Variants in ANO7 observed in about 807,000 individuals in gnomAD.
ANO7 encodes the protein anoctamin-7.
In ANO7, 114 loss-of-function variants were observed where a neutral mutation model predicts 115.8. The ratio of observed to expected loss-of-function variants is 0.98; its 90% CI spans 0.85 to 1.15. ANO7 has a LOEUF of 1.15. Ranked by LOEUF, ANO7 falls within the 50% of genes most tolerant of loss-of-function variation. The pLI is 0.00. For missense variants in ANO7, 1,302 were observed against 1,201.2 expected, an observed-to-expected ratio of 1.08 and a Z score of -1.24; for synonymous variants, 550 against 498.2, an observed-to-expected ratio of 1.10 and a Z score of -1.38.
At chr2:241,233,705 C>T in the ANO7 span, 2 of 1,125,230 alleles carry the variant, frequency 1.8e-6, no homozygotes, top group East Asian at 4.8e-5. This position sits in a 1 kb window ranked among gnomAD's most constrained non-coding sequence, Gnocchi z 4.3. Context: ...AGAGACTTGC[C>T]ACTCTCAACT....
chr2:241,202,370 C>A, intron 8 of ANO7, 66 bp downstream of exon 8: 1 of 1,485,220 alleles, frequency 6.7e-7, no homozygotes, highest in Non-Finnish European at 9.3e-7. Context: ...TCCTGTTGGC[C>A]CCCAGGGAGG....
At chr2:241,223,098 A>G in intron 21 of ANO7, 88 bp from the exon 22 acceptor site, 4 of 1,206,430 alleles carry the variant, frequency 3.3e-6, no homozygotes, top group Non-Finnish European at 4.8e-6. Context: ...GAAATGGTGG[A>G]AAAAGGGGAG....
Position 241,195,700 on chromosome 2 carries a change from CA to C in ANO7, c.167-2del, listed in dbSNP as rs768172195. ...TCCTGCCTCTGTCCCTGTTGGCTCC[CA>C]GCAGACTTCGTCCTCGTTTGGGAGG... On this transcript the variant is annotated splice_acceptor_variant, in intron 3 of 24. Transcript: ENST00000674324. LOFTEE classifies it high-confidence loss of function. 1 of 1,613,894 alleles carries C rather than the reference CA, an allele frequency of 6.2e-7. No individual in the cohort carries two copies.
In ANO7 at chr2:241,203,407, G is replaced by T; in HGVS notation, c.798G>T (p.Trp266Cys). The T allele has an allele frequency of 6.3e-7, 1 of 1,597,092 alleles. No homozygotes were observed. The highest frequency in any genetic ancestry group is 8.5e-7 in the Non-Finnish European group (1 of 1,172,712). ...AGCGCCAAGTCCTTTTCCAGCACTGGGCGCGCTGGGGCAAGTGGAACAAGT... is the reference window on the plus strand; with the variant it reads ...AGCGCCAAGTCCTTTTCCAGCACTGTGCGCGCTGGGGCAAGTGGAACAAGT... ...LNQRQVLFQHWARWGKWNKYQ... is the reference protein window; with the variant it reads ...LNQRQVLFQHCARWGKWNKYQ... The change falls in exon 9 of 25, where the codon TGG (tryptophan) becomes TGT (cysteine). Residue 266 changes from tryptophan (W) to cysteine (C), a missense_variant. Trp to Cys is a radical substitution (Grantham distance 215). Coordinates refer to ENST00000674324, the MANE Select transcript of ANO7 (RefSeq NM_001370694.2). This position sits in a 1 kb window ranked among gnomAD's most constrained non-coding sequence, Gnocchi z 4.8.
the ANO7 span, chr2:241,235,469 C>A: frequency 5.0e-6 from 8 of 1,588,628 alleles, no homozygotes; most frequent in Non-Finnish European, 6.9e-6. Flanking sequence ...TGTGACATGG[C>A]CTCCCGGGAA....
downstream of ANO7, chr2:241,228,174 C>T (rs1213231545): frequency 6.6e-6 from 1 of 152,268 alleles, no homozygotes; most frequent in Admixed American, 6.5e-5. Flanking sequence ...GGGCGTGAGT[C>T]AGCTTTTCCA....
chr2:241,204,751 C>T (rs1315794555), intron 9 of ANO7, 114 bp from the exon 10 acceptor site: 2 of 727,182 alleles, frequency 2.8e-6, no homozygotes, highest in Non-Finnish European at 4.6e-6. Context: ...AGGGCCCCAG[C>T]CCCCAAGCTG....
intron 8 of ANO7, among the ~76,000 whole-genome samples, chr2:241,202,775 G>A (rs974454014): frequency 3.3e-5 from 5 of 152,172 alleles, no homozygotes; most frequent in Non-Finnish European, 5.9e-5. Flanking sequence ...TCCCCCACCC[G>A]CCCAAGCCTT....
the ANO7 span, chr2:241,235,679 C>A: frequency 1.1e-6 from 1 of 869,732 alleles, no homozygotes; most frequent in Non-Finnish European, 1.9e-6. Flanking sequence ...CCACGAAACA[C>A]AAGGCAAACA....
At chr2:241,239,522 G>A in the ANO7 span, 1 of 1,163,218 alleles carries the variant, frequency 8.6e-7, no homozygotes, top group East Asian at 2.3e-5. This position sits in a 1 kb window ranked among gnomAD's most constrained non-coding sequence, Gnocchi z 4.6. Flanking sequence ...TCCCTACAGG[G>A]TGGAGCGAAC....
At chr2:241,232,125 A>C in the ANO7 span, among the ~76,000 whole-genome samples, 2 of 152,198 alleles carry the variant, frequency 1.3e-5, no homozygotes, top group Non-Finnish European at 2.9e-5. Flanking sequence ...CAGAGCTGAC[A>C]GCCTCAGGCA....
rs1246832098 is a variant in ANO7, at chr2:241,225,448, C to T, written c.*1295C>T. On this transcript the variant is annotated 3_prime_UTR_variant, in exon 25 of 25. Coordinates refer to ENST00000674324, the MANE Select transcript of ANO7 (RefSeq NM_001370694.2). ...GCTGAGGCAGGAGAATCGTTTGAAC[C>T]CGGGAGGCGGAGGTTGTAGTGAGCT... 6.6e-6 allele frequency: 1 copy of T among 152,090 alleles called. No individual in the cohort carries two copies. The highest frequency in any genetic ancestry group is 1.5e-5 in the Non-Finnish European group (1 of 68,026). The allele number at this position is 152,090 out of a possible 1,614,324, so 9.4% of individuals were successfully genotyped here. A position where few individuals can be genotyped will look rare whatever the true frequency, so the allele number is the denominator to read the frequency against.
chr2:241,202,394 G>T, intron 8 of ANO7, 90 bp downstream of exon 8: 1 of 1,226,680 alleles, frequency 8.2e-7, no homozygotes, highest in Non-Finnish European at 1.2e-6. Flanking sequence ...GTGTGGGGCA[G>T]GCATGGTCAG....
At chr2:241,192,986 A>G (rs1167237177) in intron 3 of ANO7, among the ~76,000 whole-genome samples, 1 of 152,184 alleles carries the variant, frequency 6.6e-6, no homozygotes, top group South Asian at 2.1e-4. Flanking sequence ...TGGCTGCACA[A>G]GAATGTCAAT....
chr2:241,192,296 G>T (rs2068226179), intron 3 of ANO7, among the ~76,000 whole-genome samples: 1 of 152,182 alleles, frequency 6.6e-6, no homozygotes, highest in African/African-American at 2.4e-5. Flanking sequence ...TTGCACTCCA[G>T]CCTGGGCAGC....
In ANO7 at chr2:241,213,599, C is replaced by T. The variant is rs549799145; in HGVS notation, c.1728+973C>T. 4.6e-5 allele frequency among the ~76,000 whole-genome samples: 7 copies of T among 152,272 alleles called. No individual in the cohort carries two copies. The South Asian group carries it at 1.0e-3, about 23-fold the overall frequency. On this transcript the variant is annotated intron_variant, in intron 17 of 24. Coordinates refer to ENST00000674324, the MANE Select transcript of ANO7 (RefSeq NM_001370694.2). The stretch of plus-strand genomic sequence containing the variant: ...GTAGAGAAGCCCTCAAAACTGTTCC[C>T]GACGCACAGCCCCTCCTGGGTGAGG...
intron 7 of ANO7, 119 bp downstream of exon 7, chr2:241,201,474 A>G: frequency 8.7e-7 from 1 of 1,145,792 alleles, no homozygotes; most frequent in Non-Finnish European, 1.2e-6. Context: ...CGAGGCCTGG[A>G]GCCCGGAGGC....
At chr2:241,238,798 G>A in the ANO7 span, 4 of 1,473,678 alleles carry the variant, frequency 2.7e-6, no homozygotes, top group Non-Finnish European at 3.6e-6. This position sits in a 1 kb window ranked among gnomAD's most constrained non-coding sequence, Gnocchi z 4.9. Flanking sequence ...CTGGAGGGAG[G>A]TACACAAAGA....
At position 241,203,375 on chromosome 2, in the gene ANO7, C is replaced by T; in HGVS notation, c.766C>T (p.Leu256Phe). 1 of 1,599,642 alleles carries T rather than the reference C, an allele frequency of 6.3e-7. No individual in the cohort carries two copies. The highest frequency in any genetic ancestry group is 8.5e-7 in the Non-Finnish European group (1 of 1,173,838). The change falls in exon 9 of 25, where the codon CTC becomes TTC. Residue 256 changes from leucine (L) to phenylalanine (F), a missense_variant. Physicochemically the swap from Leu to Phe is conservative, Grantham distance 22. Coordinates refer to ENST00000674324, the MANE Select transcript of ANO7 (RefSeq NM_001370694.2). This position sits in a 1 kb window ranked among gnomAD's most constrained non-coding sequence, Gnocchi z 4.8. Reference protein sequence around the residue: ...TPPEGPQAPRLNQRQVLFQHW... With the variant: ...TPPEGPQAPRFNQRQVLFQHW... ...CCCAGAGGGCCCGCAGGCTCCACGC[C>T]TCAACCAGCGCCAAGTCCTTTTCCA...
Sources: allele counts gnomAD v4.1 joint callset (sites outside exome capture counted in the v4.1 genomes callset), GRCh38; gene constraint gnomAD v4.1.1; non-coding constraint Gnocchi (gnomAD v3.1); transcripts MANE v1.5; gene names NCBI Gene and HGNC (gene_info 2026-07-23, HGNC 2026-07-21).